The following UGT1A7 variants were observed in gnomAD, a reference collection of about 807,000 sequenced individuals.
UGT1A7 encodes the protein UDP-glucuronosyltransferase 1A7.
In UGT1A7, 33 loss-of-function variants were observed where a neutral mutation model predicts 45.6. The observed-to-expected ratio is 0.72, with a 90% confidence interval of 0.55 to 0.97. The LOEUF is 0.97. Among genes scored for constraint, UGT1A7 ranks in the 50% least tolerant of loss-of-function variants. The probability of loss-of-function intolerance (pLI) is 0.00; values close to 1 mark genes in which losing one functional copy is unlikely to be tolerated. For missense variants in UGT1A7, 684 were observed against 666.2 expected, an observed-to-expected ratio of 1.03 and a Z score of -0.29; for synonymous variants, 274 against 250.6, an observed-to-expected ratio of 1.09 and a Z score of -0.88.
intron 1 of UGT1A7, among the ~76,000 whole-genome samples, chr2:233,707,965 A>G (rs1249490903): frequency 6.6e-6 from 1 of 152,186 alleles, no homozygotes; most frequent in Non-Finnish European, 1.5e-5. Flanking sequence ...TGCCCATTCA[A>G]GTCTATTGCC....
intron 1 of UGT1A7, among the ~76,000 whole-genome samples, chr2:233,736,069 T>G (rs1320914506): frequency 6.6e-6 from 1 of 152,194 alleles, no homozygotes; most frequent in Non-Finnish European, 1.5e-5. Flanking sequence ...CTTGCTAGGT[T>G]TGGGAAGTTC....
chr2:233,737,911 GGC>G (rs1690629306), intron 1 of UGT1A7, among the ~76,000 whole-genome samples: 4 of 152,098 alleles, frequency 2.6e-5, no homozygotes, highest in African/African-American at 4.8e-5. Flanking sequence ...GTAAAGAACA[GGC>G]TAGTGTATTT....
chr2:233,719,696 T>C (rs748911565), intron 1 of UGT1A7: 44 of 1,613,934 alleles, frequency 2.7e-5, no homozygotes, highest in Middle Eastern at 1.6e-4. Context: ...AGGTCTGTAT[T>C]GGTGCCTTCA....
intron 1 of UGT1A7, among the ~76,000 whole-genome samples, chr2:233,720,216 C>G (rs1381624179): frequency 6.6e-6 from 1 of 152,096 alleles, no homozygotes; most frequent in Non-Finnish European, 1.5e-5. Context: ...GGGATGGATG[C>G]ATGTGATCAG....
At chr2:233,748,342 C>G (rs117379305) in intron 1 of UGT1A7, among the ~76,000 whole-genome samples, 3 of 151,616 alleles carry the variant, frequency 2.0e-5, no homozygotes, top group African/African-American at 7.3e-5. Context: ...GGAGACTGTT[C>G]GTTTGTAAAG....
chr2:233,743,215 C>T (rs1225035803), intron 1 of UGT1A7: 38 of 407,424 alleles, frequency 9.3e-5, no homozygotes, highest in Non-Finnish European at 1.6e-4. Context: ...GGAGTAACTG[C>T]TCTTTGCTAT....
intron 1 of UGT1A7, among the ~76,000 whole-genome samples, chr2:233,694,890 G>A (rs1289653147): frequency 6.6e-6 from 1 of 152,210 alleles, no homozygotes; most frequent in African/African-American, 2.4e-5. Flanking sequence ...GGGGGTTCAT[G>A]TGATATTTTG....
chr2:233,760,880 C>T, intron 1 of UGT1A7: 2 of 1,614,166 alleles, frequency 1.2e-6, no homozygotes, highest in Non-Finnish European at 1.7e-6. Context: ...AGGCCTCTCT[C>T]CTCTCATTCA....
At chr2:233,755,256 T>C in intron 1 of UGT1A7, 1 of 820,386 alleles carries the variant, frequency 1.2e-6, no homozygotes, top group Non-Finnish European at 1.8e-6. Context: ...CAGCACCTCG[T>C]AGTAGTCCAC....
chr2:233,721,622 A>G (rs2076958313), intron 1 of UGT1A7: 1 of 189,722 alleles, frequency 5.3e-6, no homozygotes, highest in Non-Finnish European at 1.1e-5. Flanking sequence ...GTTCCTTATC[A>G]GTAAAGATCA....
At chr2:233,729,131 C>A (rs1449948739) in intron 1 of UGT1A7, 2 of 1,613,182 alleles carry the variant, frequency 1.2e-6, no homozygotes, top group East Asian at 4.5e-5. Context: ...GCTGAGATGG[C>A]CACAGGACTC....
At chr2:233,758,431 A>C (rs1696879671) in intron 1 of UGT1A7, among the ~76,000 whole-genome samples, 1 of 152,228 alleles carries the variant, frequency 6.6e-6, no homozygotes, top group Admixed American at 6.5e-5. Context: ...ATGAACTCAC[A>C]CAGCATTGGG....
At chr2:233,694,008 G>C in intron 1 of UGT1A7, 3 of 1,456,452 alleles carry the variant, frequency 2.1e-6, no homozygotes, top group Non-Finnish European at 2.8e-6. Context: ...TCGGAGCAGC[G>C]GGAACACATA....
chr2:233,690,902 G>A (rs2075020520), intron 1 of UGT1A7: 1 of 1,031,348 alleles, frequency 9.7e-7, no homozygotes, highest in Non-Finnish European at 1.2e-6. Context: ...GGTATGCATA[G>A]TGATGTTAGT....
chr2:233,736,451 C>T (rs1167369178), intron 1 of UGT1A7, among the ~76,000 whole-genome samples: 3 of 152,120 alleles, frequency 2.0e-5, no homozygotes, highest in Non-Finnish European at 2.9e-5. Context: ...GCAATAGGTT[C>T]GAACATGCAC....
intron 1 of UGT1A7, chr2:233,718,953 C>T (rs369434904): frequency 1.1e-4 from 171 of 1,614,048 alleles, no homozygotes; most frequent in South Asian, 1.0e-3. Flanking sequence ...GCTCAGCATG[C>T]GGGAGGCCTT....
At chr2:233,693,535 C>T in intron 1 of UGT1A7, 1 of 1,614,120 alleles carries the variant, frequency 6.2e-7, no homozygotes, top group Non-Finnish European at 8.5e-7. Flanking sequence ...TTCCGTGTTC[C>T]CTGGAGCATA....
At chr2:233,690,423 C>T in intron 1 of UGT1A7, 1 of 1,228,814 alleles carries the variant, frequency 8.1e-7, no homozygotes, top group South Asian at 1.3e-5. Context: ...TACCTTCATG[C>T]ACATCTTTGG....
intron 1 of UGT1A7, among the ~76,000 whole-genome samples, chr2:233,742,449 T>C (rs1691982228): frequency 6.6e-6 from 1 of 151,986 alleles, no homozygotes. Flanking sequence ...GGGCCAGGTG[T>C]TCCTTGCCCT....
Sources: allele counts gnomAD v4.1 joint callset (sites outside exome capture counted in the v4.1 genomes callset), GRCh38; gene constraint gnomAD v4.1.1; transcripts MANE v1.5; gene names NCBI Gene and HGNC (gene_info 2026-07-23, HGNC 2026-07-21).